Variants in CSMD1 observed in about 807,000 individuals in gnomAD.
The protein encoded by CSMD1 is CUB and sushi domain-containing protein 1.
CSMD1 carries 213 observed loss-of-function variants against 417.5 expected under a neutral mutation model. The ratio of observed to expected loss-of-function variants is 0.51; its 90% CI spans 0.46 to 0.57. The LOEUF is 0.57. Among genes scored for constraint, CSMD1 ranks in the 20% least tolerant of loss-of-function variants. CSMD1 has a pLI of 0.00. For synonymous variants in CSMD1, 2,862 were observed against 1,736.8 expected (o/e 1.65, Z -16.11); for missense variants, 6,923 against 4,529.7 (o/e 1.53, Z -15.17).
At chr8:3,460,833 C>T (rs1400562165) in intron 12 of CSMD1, among the ~76,000 whole-genome samples, 1 of 152,146 alleles carries the variant, frequency 6.6e-6, no homozygotes, top group Non-Finnish European at 1.5e-5. Flanking sequence ...ACAGACAATG[C>T]TGTGATGTGA....
At chr8:4,346,682 T>G (rs1800795542) in intron 3 of CSMD1, among the ~76,000 whole-genome samples, 1 of 152,212 alleles carries the variant, frequency 6.6e-6, no homozygotes, top group Non-Finnish European at 1.5e-5. Flanking sequence ...CTAATTTGCC[T>G]CGTATGAGTG....
At chr8:4,567,678 G>A (rs1465963806) in intron 2 of CSMD1, among the ~76,000 whole-genome samples, 1 of 152,108 alleles carries the variant, frequency 6.6e-6, no homozygotes, top group African/African-American at 2.4e-5. Context: ...CTGCCCAGAT[G>A]CTGATTTTCA....
chr8:4,845,657 G>A (rs1035072884), intron 1 of CSMD1, among the ~76,000 whole-genome samples: 3 of 152,130 alleles, frequency 2.0e-5, no homozygotes, highest in South Asian at 2.1e-4. Context: ...AAGCACAGAC[G>A]GGAAAGAAAG....
rs569552782 is a variant in CSMD1 at position 3,226,984 on chromosome 8, C to G, written c.4345+3056G>C. On this transcript the variant is annotated intron_variant, in intron 27 of 69. Coordinates refer to ENST00000635120, the MANE Select transcript of CSMD1 (RefSeq NM_033225.6). ...TATTAATTTAAAATGCCAATTAAAA[C>G]AAGACATCATCACTTTGTGCCTTAA... Among the ~76,000 whole-genome samples, 3 of 151,786 alleles carry G rather than the reference C, an allele frequency of 2.0e-5. No individual in the cohort carries two copies. In the South Asian group the frequency reaches 6.2e-4, roughly 32 times the overall value.
At chr8:4,064,024 T>C (rs1799115499) in intron 3 of CSMD1, among the ~76,000 whole-genome samples, 1 of 152,120 alleles carries the variant, frequency 6.6e-6, no homozygotes, top group Non-Finnish European at 1.5e-5. Context: ...CCTCAGATGC[T>C]CAACTGACAC....
At chr8:3,925,007 G>A (rs542285807) in intron 5 of CSMD1, among the ~76,000 whole-genome samples, 1 of 152,240 alleles carries the variant, frequency 6.6e-6, no homozygotes, top group South Asian at 2.1e-4. Context: ...TGACTGGTAA[G>A]AGAAAGACTT....
At chr8:3,174,424 G>A (rs562578517) in intron 37 of CSMD1, among the ~76,000 whole-genome samples, 3 of 152,158 alleles carry the variant, frequency 2.0e-5, no homozygotes, top group Non-Finnish European at 4.4e-5. Flanking sequence ...GAACCCAAGA[G>A]GTTGAGACTG....
At chr8:3,471,399 T>C (rs1196039737) in intron 11 of CSMD1, among the ~76,000 whole-genome samples, 1 of 152,186 alleles carries the variant, frequency 6.6e-6, no homozygotes, top group Non-Finnish European at 1.5e-5. Flanking sequence ...TCAATTTTGG[T>C]TCCACATGCA....
At chr8:4,089,844 G>C (rs781246644) in intron 3 of CSMD1, among the ~76,000 whole-genome samples, 1 of 152,142 alleles carries the variant, frequency 6.6e-6, no homozygotes, top group Non-Finnish European at 1.5e-5. Context: ...CTTCTGGAAT[G>C]AATGGTGGTG....
intron 3 of CSMD1, among the ~76,000 whole-genome samples, chr8:4,092,614 G>T (rs530170572): frequency 1.3e-5 from 2 of 152,272 alleles, no homozygotes; most frequent in Admixed American, 6.5e-5. Context: ...AAGCAATTAT[G>T]AGAAGAATGA....
intron 23 of CSMD1, among the ~76,000 whole-genome samples, chr8:3,313,561 G>C (rs944837279): frequency 3.9e-5 from 6 of 152,176 alleles, no homozygotes; most frequent in Non-Finnish European, 8.8e-5. Context: ...ACCACAATAA[G>C]ATACTATCTC....
intron 3 of CSMD1, among the ~76,000 whole-genome samples, chr8:4,413,076 G>A (rs1796736178): frequency 1.3e-5 from 2 of 152,142 alleles, no homozygotes; most frequent in South Asian, 2.1e-4. Context: ...TAATTTCACA[G>A]CTTCATGGAA....
At chr8:3,329,244 T>C (rs529331739) in intron 23 of CSMD1, among the ~76,000 whole-genome samples, 1 of 152,144 alleles carries the variant, frequency 6.6e-6, no homozygotes, top group Non-Finnish European at 1.5e-5. Flanking sequence ...AAAGTGGTCA[T>C]TGACAGCAAA....
chr8:3,826,400 C>G (rs571643506), intron 5 of CSMD1, among the ~76,000 whole-genome samples: 78 of 152,272 alleles, frequency 5.1e-4, no homozygotes, highest in African/African-American at 1.6e-3. Context: ...GACAACTGAT[C>G]ATGAGACACG....
intron 2 of CSMD1, among the ~76,000 whole-genome samples, chr8:4,553,919 A>G (rs1797981098): frequency 6.6e-6 from 1 of 152,158 alleles, no homozygotes; most frequent in Non-Finnish European, 1.5e-5. Flanking sequence ...TGACTGGTTC[A>G]GCTGGAATTG....
At chr8:4,609,285 C>T (rs963910945) in intron 2 of CSMD1, among the ~76,000 whole-genome samples, 8 of 152,098 alleles carry the variant, frequency 5.3e-5, no homozygotes, top group African/African-American at 1.9e-4. Context: ...CCTTTGGTCC[C>T]AGCTACTCAG....
intron 3 of CSMD1, among the ~76,000 whole-genome samples, chr8:4,222,829 G>A (rs530775910): frequency 3.9e-5 from 6 of 152,082 alleles, no homozygotes; most frequent in Non-Finnish European, 7.3e-5. Flanking sequence ...CAGACTAAGA[G>A]TCGCTGAAAA....
At chr8:4,044,872 C>G (rs149346867) in intron 3 of CSMD1, among the ~76,000 whole-genome samples, 22 of 151,952 alleles carry the variant, frequency 1.4e-4, no homozygotes, top group East Asian at 1.4e-3. Flanking sequence ...CCATCCTGAA[C>G]TTTGCAGCCC....
intron 3 of CSMD1, among the ~76,000 whole-genome samples, chr8:4,384,515 C>G (rs967719957): frequency 5.3e-5 from 8 of 152,214 alleles, no homozygotes; most frequent in African/African-American, 1.9e-4. Context: ...GATACTGTGA[C>G]AAATACTTTA....
Sources: allele counts gnomAD v4.1 joint callset (sites outside exome capture counted in the v4.1 genomes callset), GRCh38; gene constraint gnomAD v4.1.1; transcripts MANE v1.5; gene names NCBI Gene and HGNC (gene_info 2026-07-23, HGNC 2026-07-21).